The following SORCS1 variants were observed in gnomAD, a reference collection of about 807,000 sequenced individuals.
SORCS1 encodes the protein VPS10 domain-containing receptor SorCS1.
A neutral mutation model predicts 146.1 loss-of-function variants in SORCS1; 60 were observed. That is an observed-to-expected ratio of 0.41 (90% CI 0.33 to 0.51). SORCS1 has a LOEUF of 0.51. Among genes scored for constraint, SORCS1 ranks in the 20% least tolerant of loss-of-function variants. SORCS1 has a pLI of 0.21. For synonymous variants in SORCS1, 637 were observed against 584.0 expected, an observed-to-expected ratio of 1.09 and a Z score of -1.31; for missense variants, 1,352 against 1,487.6, an observed-to-expected ratio of 0.91 and a Z score of 1.50.
intron 1 of SORCS1, among the ~76,000 whole-genome samples, chr10:106,979,393 T>C (rs1170145986): frequency 6.6e-6 from 1 of 152,150 alleles, no homozygotes; most frequent in Non-Finnish European, 1.5e-5. Context: ...TTAGAGATTA[T>C]TTAGTTCATT....
rs142301729 is a variant in SORCS1, at chr10:107,041,731, A to G, written c.559-85151T>C. ...GTGAGGAAGTGAGAACACAGACCTC[A>G]GAACCCTTAGATTGGTCCGACAGAG... is the stretch of plus-strand genomic sequence containing the variant. On this transcript the variant is annotated intron_variant, in intron 1 of 25. Coordinates refer to ENST00000263054, the MANE Select transcript of SORCS1 (RefSeq NM_052918.5). Among the ~76,000 whole-genome samples the G allele has an allele frequency of 2.1e-4, 32 of 152,310 alleles. No homozygotes were observed. The East Asian group carries it at 6.2e-3, about 29-fold the overall frequency.
At chr10:106,836,366 C>A (rs983684213) in intron 2 of SORCS1, among the ~76,000 whole-genome samples, 2 of 149,094 alleles carry the variant, frequency 1.3e-5, no homozygotes, top group African/African-American at 4.9e-5. Flanking sequence ...CCCAGCTACT[C>A]GGGAGGCTGA....
intron 10 of SORCS1, among the ~76,000 whole-genome samples, chr10:106,680,146 C>G (rs1208224461): frequency 2.0e-5 from 3 of 152,020 alleles, no homozygotes; most frequent in African/African-American, 7.3e-5. Context: ...ATGAATGACT[C>G]CAAAAAGAAA....
chr10:106,719,214 G>A (rs2135924034), intron 6 of SORCS1, among the ~76,000 whole-genome samples: 1 of 152,262 alleles, frequency 6.6e-6, no homozygotes, highest in Middle Eastern at 3.4e-3. Context: ...AGGAAGAAAT[G>A]AAACCATTTA....
At chr10:106,971,370 C>A (rs1005005727) in intron 1 of SORCS1, among the ~76,000 whole-genome samples, 3 of 152,180 alleles carry the variant, frequency 2.0e-5, no homozygotes, top group African/African-American at 7.2e-5. Flanking sequence ...GACTGAATGA[C>A]TGTGGTTATA....
intron 1 of SORCS1, among the ~76,000 whole-genome samples, chr10:107,103,605 T>C (rs1159913270): frequency 1.3e-5 from 2 of 152,202 alleles, no homozygotes; most frequent in Non-Finnish European, 2.9e-5. Context: ...ATATGCTCAG[T>C]GGGAGAAATT....
chr10:106,726,860 G>A (rs1856232348), intron 6 of SORCS1, among the ~76,000 whole-genome samples: 1 of 152,110 alleles, frequency 6.6e-6, no homozygotes, highest in Non-Finnish European at 1.5e-5. Flanking sequence ...GCCGAGACGG[G>A]CGGATCACGA....
At chr10:106,831,279 G>A (rs181759298) in intron 2 of SORCS1, among the ~76,000 whole-genome samples, 171 of 152,228 alleles carry the variant, frequency 1.1e-3, no homozygotes, top group African/African-American at 3.8e-3. Flanking sequence ...CTTTTCTTAG[G>A]AGATTGTTTG....
At chr10:106,878,856 T>A (rs185162897) in intron 2 of SORCS1, among the ~76,000 whole-genome samples, 9 of 151,646 alleles carry the variant, frequency 5.9e-5, no homozygotes, top group Admixed American at 2.0e-4. Context: ...TATTCTTTTT[T>A]AAAAAATTTC....
chr10:106,901,349 C>T (rs562955709), intron 2 of SORCS1, among the ~76,000 whole-genome samples: 4 of 152,218 alleles, frequency 2.6e-5, no homozygotes, highest in Non-Finnish European at 4.4e-5. Context: ...ACGTAAGAGA[C>T]AGAAATTTAT....
At chr10:106,894,942 T>G (rs532995218) in intron 2 of SORCS1, among the ~76,000 whole-genome samples, 4 of 152,204 alleles carry the variant, frequency 2.6e-5, no homozygotes, top group Non-Finnish European at 5.9e-5. Context: ...TTGAGAGGAT[T>G]ACATGAGTAT....
intron 9 of SORCS1, among the ~76,000 whole-genome samples, chr10:106,695,567 T>C (rs1853632250): frequency 6.6e-6 from 1 of 152,234 alleles, no homozygotes; most frequent in South Asian, 2.1e-4. Context: ...TGCCTCCATT[T>C]ACTTATATTT....
intron 1 of SORCS1, among the ~76,000 whole-genome samples, chr10:107,137,862 C>CAAA (rs57279379): frequency 3.1e-5 from 3 of 95,512 alleles, no homozygotes; most frequent in African/African-American, 1.1e-4. Flanking sequence ...AACTCCGTCT[C>CAAA]AAAAAAAAAA....
intron 18 of SORCS1, among the ~76,000 whole-genome samples, chr10:106,648,024 C>T (rs540018221): frequency 9.5e-5 from 14 of 148,098 alleles, no homozygotes; most frequent in Admixed American, 4.6e-4. Context: ...CACGACACCA[C>T]GCCTGGCTAT....
chr10:106,905,763 C>T (rs951369223), intron 2 of SORCS1, among the ~76,000 whole-genome samples: 1 of 152,182 alleles, frequency 6.6e-6, no homozygotes, highest in Non-Finnish European at 1.5e-5. Context: ...CATGTTTACA[C>T]AAGTGTGCCT....
At chr10:107,110,984 C>G (rs1400339815) in intron 1 of SORCS1, among the ~76,000 whole-genome samples, 1 of 152,128 alleles carries the variant, frequency 6.6e-6, no homozygotes, top group African/African-American at 2.4e-5. Context: ...ACTGTGGGTC[C>G]CCTCGTGGAC....
At position 106,741,920 on chromosome 10, in the gene SORCS1, G is replaced by C. The variant is rs534653053; in HGVS notation, c.960-11806C>G. Among the ~76,000 whole-genome samples, 3 of 152,340 alleles carry C rather than the reference G, an allele frequency of 2.0e-5. No homozygotes were observed. In the East Asian group the frequency reaches 5.8e-4, roughly 29 times the overall value. Reference sequence around the variant, plus strand: ...GCTCAGTGCCTGGCCTGTAGGTAAGGCTGGTTTAGCTATCCTTGTAGTCGC... The same window carrying C: ...GCTCAGTGCCTGGCCTGTAGGTAAGCCTGGTTTAGCTATCCTTGTAGTCGC... On this transcript the variant is annotated intron_variant, in intron 5 of 25. Transcript: ENST00000263054.
chr10:107,008,702 A>C (rs1302900613), intron 1 of SORCS1, among the ~76,000 whole-genome samples: 1 of 152,186 alleles, frequency 6.6e-6, no homozygotes, highest in East Asian at 1.9e-4. Flanking sequence ...GCACTCAAAA[A>C]TGGTTATTAT....
chr10:107,020,963 T>A (rs1352443188), intron 1 of SORCS1, among the ~76,000 whole-genome samples: 1 of 150,894 alleles, frequency 6.6e-6, no homozygotes, highest in Non-Finnish European at 1.5e-5. Context: ...CTTTCTCCAC[T>A]TTTTTTTTAA....
Sources: gnomAD v4.1 joint callset for allele counts (sites outside exome capture counted in the v4.1 genomes callset) on GRCh38, gnomAD v4.1.1 for gene constraint, MANE v1.5 for transcripts, NCBI Gene and HGNC (gene_info 2026-07-23, HGNC 2026-07-21) for gene names.